The following MBOAT2 variants were observed in gnomAD, a reference collection of about 807,000 sequenced individuals.
MBOAT2 encodes the protein membrane bound glycerophospholipid O-acyltransferase 2.
In MBOAT2, 28 loss-of-function variants were observed where a neutral mutation model predicts 63.4. The ratio of observed to expected loss-of-function variants is 0.44; its 90% CI spans 0.33 to 0.61. The LOEUF (loss-of-function observed/expected upper bound fraction) is 0.61, where lower values mean the gene tolerates loss of function less well. Among genes scored for constraint, MBOAT2 ranks in the 20% least tolerant of loss-of-function variants. The probability of loss-of-function intolerance (pLI) is 0.03; values close to 1 mark genes in which losing one functional copy is unlikely to be tolerated. For synonymous variants in MBOAT2, 211 were observed against 215.6 expected (o/e 0.98, Z 0.19); for missense variants, 470 against 605.8 (o/e 0.78, Z 2.35).
intron 1 of MBOAT2, among the ~76,000 whole-genome samples, chr2:8,959,383 C>T (rs1185267252): frequency 6.6e-6 from 1 of 152,048 alleles, no homozygotes; most frequent in Non-Finnish European, 1.5e-5. Flanking sequence ...GCTCTTTTCC[C>T]TCCAAATAAA....
At chr2:8,984,235 T>G (rs1558683985) in intron 1 of MBOAT2, among the ~76,000 whole-genome samples, 1 of 152,052 alleles carries the variant, frequency 6.6e-6, no homozygotes, top group Non-Finnish European at 1.5e-5. Context: ...GGCCAGGGGT[T>G]GGGGTGAGGG....
chr2:8,885,721 T>C (rs932254432), intron 5 of MBOAT2, among the ~76,000 whole-genome samples: 2 of 152,222 alleles, frequency 1.3e-5, no homozygotes, highest in Admixed American at 6.5e-5. Flanking sequence ...CTCTATTATA[T>C]GAGGGTGATG....
chr2:8,906,789 T>C (rs1212138584), intron 4 of MBOAT2, among the ~76,000 whole-genome samples: 2 of 152,258 alleles, frequency 1.3e-5, no homozygotes, highest in Non-Finnish European at 2.9e-5. Flanking sequence ...CCAATCCACA[T>C]GGTTGTACAA....
chr2:9,003,614 TG>T lies in MBOAT2; in HGVS notation c.-1del. On this transcript the variant is annotated 5_prime_UTR_variant, in exon 1 of 13. Coordinates refer to ENST00000305997, the MANE Select transcript of MBOAT2 (RefSeq NM_138799.4). This position sits in a 1 kb window ranked among gnomAD's most constrained non-coding sequence, Gnocchi z 5.4. ...GAGCCCGTGGTGCTGGTGGTGGCCA[TG>T]GCCGGGCCTCGGCGCTCCGGCCGCC... is the stretch of plus-strand genomic sequence containing the variant. The T allele has an allele frequency of 5.9e-6, 7 of 1,184,746 alleles. No homozygotes were observed. The highest frequency in any genetic ancestry group is 7.3e-6 in the Non-Finnish European group (7 of 957,620). 73.4% of individuals were successfully genotyped at this position (1,184,746 alleles called of 1,614,324 possible). A position where few individuals can be genotyped will look rare whatever the true frequency, so the allele number is the denominator to read the frequency against.
intron 1 of MBOAT2, among the ~76,000 whole-genome samples, chr2:8,974,788 A>G (rs1410625560): frequency 6.6e-6 from 1 of 152,176 alleles, no homozygotes; most frequent in Non-Finnish European, 1.5e-5. Flanking sequence ...AATTTAAGAT[A>G]GTAATTACCT....
chr2:8,897,258 TCTGA>T (rs1369614883), intron 4 of MBOAT2, among the ~76,000 whole-genome samples: 6 of 152,146 alleles, frequency 3.9e-5, no homozygotes, highest in Admixed American at 2.0e-4. Context: ...TCTCTCTTTC[TCTGA>T]CTTTCTGTCT....
intron 4 of MBOAT2, among the ~76,000 whole-genome samples, chr2:8,889,944 G>A (rs1663866174): frequency 6.6e-6 from 1 of 152,094 alleles, no homozygotes. Flanking sequence ...AGCTGCGCTG[G>A]GAGGACGGGT....
intron 5 of MBOAT2, among the ~76,000 whole-genome samples, chr2:8,883,098 A>G (rs1663264527): frequency 6.6e-6 from 1 of 152,208 alleles, no homozygotes; most frequent in South Asian, 2.1e-4. Flanking sequence ...CTAGATCCAT[A>G]TGCTTTAAAA....
At chr2:8,876,340 G>A (rs997089763) in intron 7 of MBOAT2, among the ~76,000 whole-genome samples, 1 of 152,214 alleles carries the variant, frequency 6.6e-6, no homozygotes, top group African/African-American at 2.4e-5. Flanking sequence ...TAGCCTCTGA[G>A]TCTCAGTTTC....
chr2:8,996,238 A>ATTCC (rs1018864820), intron 1 of MBOAT2, among the ~76,000 whole-genome samples: 8 of 152,208 alleles, frequency 5.3e-5, no homozygotes, highest in Admixed American at 5.2e-4. Flanking sequence ...CAGAGACGGA[A>ATTCC]GCCTGATTAT....
At chr2:8,940,762 C>T (rs1276120093) in intron 3 of MBOAT2, among the ~76,000 whole-genome samples, 2 of 151,830 alleles carry the variant, frequency 1.3e-5, no homozygotes, top group African/African-American at 4.8e-5. Context: ...TTATGAATAC[C>T]TCATAAAGAG....
intron 6 of MBOAT2, among the ~76,000 whole-genome samples, chr2:8,878,533 A>C (rs1237385724): frequency 1.3e-5 from 2 of 152,186 alleles, no homozygotes; most frequent in African/African-American, 4.8e-5. Context: ...TTTTTTAAAG[A>C]GCTAGGTCTT....
At chr2:8,925,289 C>A (rs1666856460) in intron 3 of MBOAT2, among the ~76,000 whole-genome samples, 1 of 152,142 alleles carries the variant, frequency 6.6e-6, no homozygotes, top group Admixed American at 6.6e-5. Context: ...CACACAAGAT[C>A]ACTCATCATT....
chr2:8,901,639 C>T (rs1664932819), intron 4 of MBOAT2, among the ~76,000 whole-genome samples: 2 of 152,144 alleles, frequency 1.3e-5, no homozygotes, highest in Non-Finnish European at 2.9e-5. Flanking sequence ...TGAGGCACCC[C>T]GTATCCTAGC....
chr2:8,941,644 C>T (rs573688212), intron 3 of MBOAT2, among the ~76,000 whole-genome samples: 4 of 149,876 alleles, frequency 2.7e-5, no homozygotes, highest in South Asian at 4.2e-4. Context: ...AGTGAGACTC[C>T]GTCTCAAAGG....
At chr2:8,866,723 C>T (rs1661921583) in intron 9 of MBOAT2, among the ~76,000 whole-genome samples, 1 of 152,192 alleles carries the variant, frequency 6.6e-6, no homozygotes, top group African/African-American at 2.4e-5. Flanking sequence ...TTGGCCAAAG[C>T]CTCTTTTAAT....
chr2:8,858,658 CA>C lies in MBOAT2; in HGVS notation c.*20del. On this transcript the variant is annotated 3_prime_UTR_variant, in exon 13 of 13. Coordinates refer to ENST00000305997, the MANE Select transcript of MBOAT2 (RefSeq NM_138799.4). ...TTCTGTTAACATCAAAAAAAAAAAACAGCCCTCAGAGCCTTCCCGATCACTG... is the reference window on the plus strand; with the variant it reads ...TTCTGTTAACATCAAAAAAAAAAAACGCCCTCAGAGCCTTCCCGATCACTG... 7.2e-7 allele frequency: 1 copy of C among 1,393,282 alleles called. No homozygotes were observed. The highest frequency in any genetic ancestry group is 9.8e-7 in the Non-Finnish European group (1 of 1,021,338). The allele number at this position is 1,393,282 out of a possible 1,614,324, so 86.3% of individuals were successfully genotyped here.
intron 3 of MBOAT2, among the ~76,000 whole-genome samples, chr2:8,928,944 C>A (rs1667122377): frequency 6.6e-6 from 1 of 152,150 alleles, no homozygotes; most frequent in Admixed American, 6.5e-5. Flanking sequence ...TCAGATTTTG[C>A]AAATGACTGA....
intron 6 of MBOAT2, among the ~76,000 whole-genome samples, chr2:8,879,866 C>G (rs867689616): frequency 2.0e-5 from 3 of 152,086 alleles, no homozygotes; most frequent in African/African-American, 7.2e-5. Context: ...TAACATCAGA[C>G]AGTAATACCT....
Sources: allele counts gnomAD v4.1 joint callset (sites outside exome capture counted in the v4.1 genomes callset), GRCh38; gene constraint gnomAD v4.1.1; non-coding constraint Gnocchi (gnomAD v3.1); transcripts MANE v1.5; gene names NCBI Gene and HGNC (gene_info 2026-07-23, HGNC 2026-07-21).